Variants in BPGM observed in about 807,000 individuals in gnomAD.
BPGM encodes bisphosphoglycerate mutase, also known as 2,3-bisphosphoglycerate mutase, erythrocyte.
BPGM carries 15 observed loss-of-function variants against 21.6 expected under a neutral mutation model. The observed-to-expected ratio is 0.70, with a 90% CI of 0.47 to 1.07. BPGM has a LOEUF of 1.07. Ranked by LOEUF, BPGM falls within the 50% of genes least tolerant of loss-of-function variation. The probability of loss-of-function intolerance (pLI) is 0.00; values close to 1 mark genes in which losing one functional copy is unlikely to be tolerated. For missense variants in BPGM, 273 were observed against 319.0 expected (o/e 0.86, Z 1.10); for synonymous variants, 113 against 116.2 (o/e 0.97, Z 0.18).
At chr7:134,653,933 C>T (rs926383205) in intron 1 of BPGM, among the ~76,000 whole-genome samples, 1 of 152,084 alleles carries the variant, frequency 6.6e-6, no homozygotes, top group Non-Finnish European at 1.5e-5. Context: ...TGTACCTGTT[C>T]CTTTGCCTTC....
At chr7:134,653,627 C>G (rs1468874797) in intron 1 of BPGM, among the ~76,000 whole-genome samples, 1 of 152,124 alleles carries the variant, frequency 6.6e-6, no homozygotes, top group African/African-American at 2.4e-5. Context: ...CCTATACTTA[C>G]AGTGGCCATA....
intron 1 of BPGM, among the ~76,000 whole-genome samples, chr7:134,654,127 T>TACAC (rs5887693): frequency 0.48 from 72,167 of 150,344 alleles, 17,251 homozygotes; most frequent in East Asian, 0.68. Context: ...GAGTTTTAGG[T>TACAC]ACACACACAC....
At chr7:134,678,182 A>T (rs919035896) in intron 2 of BPGM, among the ~76,000 whole-genome samples, 3 of 152,198 alleles carry the variant, frequency 2.0e-5, no homozygotes, top group African/African-American at 7.2e-5. Context: ...GTTGTACTTT[A>T]AAAAGGGCTA....
chr7:134,671,048 C>CT (rs35100738), intron 2 of BPGM, among the ~76,000 whole-genome samples: 18 of 151,272 alleles, frequency 1.2e-4, no homozygotes, highest in East Asian at 5.8e-4. Flanking sequence ...TTTAATTCTC[C>CT]TTTTTTTTTC....
chr7:134,652,598 G>A (rs1465845863), intron 1 of BPGM, among the ~76,000 whole-genome samples: 1 of 152,056 alleles, frequency 6.6e-6, no homozygotes, highest in Non-Finnish European at 1.5e-5. Flanking sequence ...TTTTGTACCT[G>A]TTAACCATCC....
intron 1 of BPGM, among the ~76,000 whole-genome samples, chr7:134,650,767 C>CA (rs577646981): frequency 3.9e-5 from 6 of 152,042 alleles, no homozygotes; most frequent in South Asian, 4.2e-4. Context: ...CTAAAGATAA[C>CA]AAAAAAAATT....
chr7:134,676,552 T>C (rs1795985974), intron 2 of BPGM, among the ~76,000 whole-genome samples: 1 of 152,214 alleles, frequency 6.6e-6, no homozygotes, highest in South Asian at 2.1e-4. Context: ...CAGTACTCAG[T>C]GTACTCATGC....
rs1362400927 is a variant in BPGM at position 134,679,207 on chromosome 7, G to A, written c.*176G>A. 8.7e-6 allele frequency: 6 copies of A among 687,574 alleles called. No homozygotes were observed. In the East Asian group the frequency reaches 1.4e-4, roughly 16 times the overall value. The allele number at this position is 687,574 out of a possible 1,614,324, so 42.6% of individuals were successfully genotyped here. ...AGATAAGGCTTTAGGATGCCTCAGT[G>A]CTTATGTCATAGCCTTATGAGTTAG... On this transcript the variant is annotated 3_prime_UTR_variant, in exon 3 of 3. Transcript: ENST00000344924.
intron 2 of BPGM, among the ~76,000 whole-genome samples, chr7:134,677,023 G>C (rs1050543448): frequency 1.3e-5 from 2 of 152,226 alleles, no homozygotes; most frequent in Non-Finnish European, 2.9e-5. Flanking sequence ...AGCAGCTGTA[G>C]TTTGTGATGG....
rs765025501 is a variant in BPGM at position 134,679,051 on chromosome 7, A to G, written c.*20A>G. The G allele has an allele frequency of 6.2e-7, 1 of 1,612,756 alleles. No homozygotes were observed. Among genetic ancestry groups the G allele is most frequent in the African/African-American group, 1.3e-5 (1 of 75,018 alleles). ...AAATAGTCTTTCTCAACTGTTGGCT[A>G]AGAAGAAATGCAAAAGAAGTGGCAT... is the stretch of plus-strand genomic sequence containing the variant. On this transcript the variant is annotated 3_prime_UTR_variant, in exon 3 of 3. Coordinates refer to ENST00000344924, the MANE Select transcript of BPGM (RefSeq NM_001724.5).
At chr7:134,655,447 A>G (rs1266058844) in intron 1 of BPGM, among the ~76,000 whole-genome samples, 3 of 152,058 alleles carry the variant, frequency 2.0e-5, no homozygotes, top group African/African-American at 7.3e-5. Context: ...CATGACTCTA[A>G]TATCTCCAGT....
chr7:134,654,107 G>A (rs1795598493), intron 1 of BPGM, among the ~76,000 whole-genome samples: 1 of 149,306 alleles, frequency 6.7e-6, no homozygotes. Context: ...CTCATGGTGT[G>A]AATTACTTTG....
chr7:134,653,664 G>A (rs190605265), intron 1 of BPGM, among the ~76,000 whole-genome samples: 1 of 152,212 alleles, frequency 6.6e-6, no homozygotes, highest in Non-Finnish European at 1.5e-5. Context: ...ACACTTAAGT[G>A]TGAAAGGGGC....
chr7:134,678,002 T>C (rs1340422138), intron 2 of BPGM, among the ~76,000 whole-genome samples: 2 of 152,228 alleles, frequency 1.3e-5, no homozygotes, highest in Non-Finnish European at 1.5e-5. Flanking sequence ...ATTGCAATGA[T>C]GATTAAATGA....
Position 134,661,228 on chromosome 7 carries a change from T to A in BPGM, c.-61-219T>A, listed in dbSNP as rs1056988002. Among the ~76,000 whole-genome samples, 12 of 152,258 alleles carry A rather than the reference T, an allele frequency of 7.9e-5. No individual in the cohort carries two copies. The highest frequency in any genetic ancestry group is 2.9e-4 in the African/African-American group (12 of 41,466). On this transcript the variant is annotated intron_variant, in intron 1 of 2. Transcript: ENST00000344924. The surrounding 1 kb of genome is among the most constrained non-coding windows in gnomAD (Gnocchi z 4.6). ...ATTTTATGTCATGCAATTAACATGC[T>A]ATCCAAACATCAGAAAATTTAAGTC...
intron 2 of BPGM, among the ~76,000 whole-genome samples, chr7:134,669,114 C>T (rs943067097): frequency 6.6e-6 from 1 of 152,160 alleles, no homozygotes; most frequent in South Asian, 2.1e-4. Flanking sequence ...GGGACCTTAC[C>T]TTTTGTTCAC....
At chr7:134,665,154 A>G (rs577664535) in intron 2 of BPGM, among the ~76,000 whole-genome samples, 1 of 152,308 alleles carries the variant, frequency 6.6e-6, no homozygotes, top group Admixed American at 6.5e-5. Context: ...AGGATTTGTC[A>G]TTGGCCTAGA....
At position 134,679,813 on chromosome 7, in the gene BPGM, C is replaced by T. The variant is rs545767537; in HGVS notation, c.*782C>T. 6.6e-6 allele frequency: 1 copy of T among 152,292 alleles called. No homozygotes were observed. Among genetic ancestry groups the T allele is most frequent in the African/African-American group, 2.4e-5 (1 of 41,562 alleles). 9.4% of individuals were successfully genotyped at this position (152,292 alleles called of 1,614,324 possible). A position where few individuals can be genotyped will look rare whatever the true frequency, so the allele number is the denominator to read the frequency against. On this transcript the variant is annotated 3_prime_UTR_variant, in exon 3 of 3. Coordinates refer to ENST00000344924, the MANE Select transcript of BPGM (RefSeq NM_001724.5). ...ATAAAGTGACTGAAAATGGCATCCC[C>T]AAAGTGTCTCCGTGTGTTTGGTGAA...
At position 134,661,833 on chromosome 7, in the gene BPGM, A is replaced by G; in HGVS notation, c.326A>G (p.Glu109Gly). The G allele has an allele frequency of 6.2e-7, 1 of 1,609,886 alleles. No individual in the cohort carries two copies. The highest frequency in any genetic ancestry group is 8.5e-7 in the Non-Finnish European group (1 of 1,177,464). The change falls in exon 2 of 3, where the codon GAA (glutamate) becomes GGA (glycine). Residue 109 changes from glutamate to glycine, a missense_variant. Coordinates refer to ENST00000344924, the MANE Select transcript of BPGM (RefSeq NM_001724.5). This position sits in a 1 kb window ranked among gnomAD's most constrained non-coding sequence, Gnocchi z 4.6. Reference sequence around the variant, plus strand: ...GAGCAGATGGCTTTGAATCATGGTGAAGAACAAGTGAGGCTCTGGAGAAGA... The same window carrying G: ...GAGCAGATGGCTTTGAATCATGGTGGAGAACAAGTGAGGCTCTGGAGAAGA... ...NREQMALNHG[E>G]EQVRLWRRSY...
Sources: gnomAD v4.1 joint callset for allele counts (sites outside exome capture counted in the v4.1 genomes callset) on GRCh38, gnomAD v4.1.1 for gene constraint, Gnocchi (gnomAD v3.1) non-coding constraint, MANE v1.5 for transcripts, NCBI Gene and HGNC (gene_info 2026-07-23, HGNC 2026-07-21) for gene names.